Variants in MAGI3 observed in about 807,000 individuals in gnomAD.
The protein encoded by MAGI3 is membrane-associated guanylate kinase, WW and PDZ domain-containing protein 3.
In MAGI3, 43 loss-of-function variants were observed where a neutral mutation model predicts 121.8. The observed-to-expected ratio is 0.35, with a 90% CI of 0.28 to 0.46. The LOEUF (loss-of-function observed/expected upper bound fraction) is 0.46. Ranked by LOEUF, MAGI3 falls within the 20% of genes least tolerant of loss-of-function variation. The probability of loss-of-function intolerance (pLI) is 1.00; values close to 1 mark genes in which losing one functional copy is unlikely to be tolerated. For missense variants in MAGI3, 1,547 were observed against 1,797.3 expected (o/e 0.86, Z 2.52); for synonymous variants, 553 against 639.3 (o/e 0.86, Z 2.04).
intron 2 of MAGI3, among the ~76,000 whole-genome samples, chr1:113,563,161 A>G (rs908604277): frequency 4.6e-5 from 7 of 152,256 alleles, no homozygotes; most frequent in African/African-American, 1.7e-4. Flanking sequence ...CCAAGTTGGT[A>G]TAACATTTGA....
chr1:113,579,305 A>G (rs975846130), intron 2 of MAGI3, among the ~76,000 whole-genome samples: 1 of 152,168 alleles, frequency 6.6e-6, no homozygotes, highest in African/African-American at 2.4e-5. Context: ...AGCTGAGGTG[A>G]GAGTGGGAAA....
At chr1:113,406,544 G>A (rs1008745480) in intron 1 of MAGI3, among the ~76,000 whole-genome samples, 35 of 149,968 alleles carry the variant, frequency 2.3e-4, no homozygotes, top group Admixed American at 7.3e-4. Flanking sequence ...ATAGATTTTT[G>A]AAAAGCAAAT....
chr1:113,622,684 A>G, intron 8 of MAGI3, 122 bp from the exon 9 acceptor site: 2 of 780,700 alleles, frequency 2.6e-6, no homozygotes, highest in Non-Finnish European at 3.9e-6. Context: ...AAGCACAGAC[A>G]AGGCAATGAG....
At chr1:113,571,677 G>C (rs1037180366) in intron 2 of MAGI3, among the ~76,000 whole-genome samples, 1 of 152,170 alleles carries the variant, frequency 6.6e-6, no homozygotes, top group African/African-American at 2.4e-5. Flanking sequence ...GTTCACTCAT[G>C]ATTTGGCTCT....
chr1:113,438,303 C>G (rs1653739834), intron 1 of MAGI3, among the ~76,000 whole-genome samples: 1 of 152,094 alleles, frequency 6.6e-6, no homozygotes, highest in Non-Finnish European at 1.5e-5. Context: ...TCCAAGACCC[C>G]CATTGGATGC....
At chr1:113,479,828 T>C in intron 1 of MAGI3, among the ~76,000 whole-genome samples, 1 of 152,282 alleles carries the variant, frequency 6.6e-6, no homozygotes, top group South Asian at 2.1e-4. Context: ...AAATGAACCA[T>C]CTTACAGCTT....
In MAGI3 at chr1:113,641,977, T is replaced by C; in HGVS notation, c.1427T>C (p.Met476Thr). 1 of 1,613,728 alleles carries C rather than the reference T, an allele frequency of 6.2e-7. No individual in the cohort carries two copies. The highest frequency in any genetic ancestry group is 1.1e-5 in the South Asian group (1 of 91,064). ...CACACTCATGCAGATGTTGTCCAGATGTTTCAATTGGTACCTGTCAATCAG... is the reference window on the plus strand; with the variant it reads ...CACACTCATGCAGATGTTGTCCAGACGTTTCAATTGGTACCTGTCAATCAG... ...LGHTHADVVQ[M>T]FQLVPVNQYV... Residue 476 changes from methionine (M) to threonine (T), a missense_variant, in exon 10 of 21, where the codon ATG becomes ACG. Transcript: ENST00000307546.
chr1:113,666,934 G>A (rs1654070908), intron 16 of MAGI3, among the ~76,000 whole-genome samples: 1 of 151,740 alleles, frequency 6.6e-6, no homozygotes, highest in Non-Finnish European at 1.5e-5. Context: ...TGCTTTGTCA[G>A]TAAGCAGTAA....
chr1:113,543,167 T>C (rs1659368626), intron 1 of MAGI3, among the ~76,000 whole-genome samples: 1 of 152,210 alleles, frequency 6.6e-6, no homozygotes, highest in Admixed American at 6.5e-5. Flanking sequence ...TTTTGGCTTT[T>C]CCTGCTGTAG....
intron 15 of MAGI3, among the ~76,000 whole-genome samples, chr1:113,657,834 T>G (rs1365746276): frequency 2.0e-5 from 3 of 152,230 alleles, no homozygotes; most frequent in Non-Finnish European, 4.4e-5. Context: ...TAAAAGGCAC[T>G]TCCTTCCAAC....
At chr1:113,607,676 G>A (rs1649863790) in intron 6 of MAGI3, among the ~76,000 whole-genome samples, 1 of 152,048 alleles carries the variant, frequency 6.6e-6, no homozygotes, top group South Asian at 2.1e-4. Context: ...CATATTAGAA[G>A]AGGGGCAGAT....
Position 113,681,334 on chromosome 1 carries a change from A to G in MAGI3, c.3326A>G (p.His1109Arg), listed in dbSNP as rs768289274. Residue 1109 changes from histidine to arginine, a missense_variant and splice_region_variant, in exon 20 of 21, where the codon CAT becomes CGT. His to Arg is a conservative substitution (Grantham distance 29). Transcript: ENST00000307546. ...LRPGTGLIPD[H>R]GDWDINNPSS... Reference sequence around the variant, plus strand: ...CCAGGAACTGGCTTGATACCTGACCATGGTAAGTAAAGTAGCCCACTAGTA... The same window carrying G: ...CCAGGAACTGGCTTGATACCTGACCGTGGTAAGTAAAGTAGCCCACTAGTA... The G allele has an allele frequency of 3.1e-6, 5 of 1,612,896 alleles. No individual in the cohort carries two copies. Among genetic ancestry groups the G allele is most frequent in the Non-Finnish European group, 4.2e-6 (5 of 1,179,688 alleles).
At chr1:113,458,945 C>G (rs1365152939) in intron 1 of MAGI3, among the ~76,000 whole-genome samples, 3 of 152,010 alleles carry the variant, frequency 2.0e-5, no homozygotes, top group Admixed American at 6.6e-5. Context: ...CATAGCAAAC[C>G]CAATTTTTTT....
intron 1 of MAGI3, among the ~76,000 whole-genome samples, chr1:113,474,456 G>A (rs1486026720): frequency 2.6e-5 from 4 of 152,144 alleles, no homozygotes; most frequent in African/African-American, 9.7e-5. Context: ...TGTAAGGAAG[G>A]GATCCAGTTT....
intron 1 of MAGI3, among the ~76,000 whole-genome samples, chr1:113,472,680 A>ATG (rs942354553): frequency 2.8e-5 from 4 of 141,672 alleles, no homozygotes; most frequent in African/African-American, 1.0e-4. Context: ...GTGTGTGTGT[A>ATG]TGTGTGTGTG....
intron 15 of MAGI3, among the ~76,000 whole-genome samples, chr1:113,657,437 G>A (rs1219585719): frequency 5.9e-5 from 9 of 152,270 alleles, no homozygotes; most frequent in East Asian, 1.9e-4. Flanking sequence ...ATACCACCAT[G>A]CACCAATTCT....
intron 1 of MAGI3, among the ~76,000 whole-genome samples, chr1:113,432,042 C>G (rs1653327167): frequency 6.6e-6 from 1 of 151,942 alleles, no homozygotes; most frequent in African/African-American, 2.4e-5. Flanking sequence ...CAGAAGCAGA[C>G]CTTTATGGAA....
intron 6 of MAGI3, among the ~76,000 whole-genome samples, chr1:113,602,990 A>C (rs903694634): frequency 5.9e-5 from 9 of 152,066 alleles, no homozygotes; most frequent in Non-Finnish European, 1.2e-4. Flanking sequence ...ATGTGTATAC[A>C]TACACAGAAG....
chr1:113,509,559 A>G (rs1369453741), intron 1 of MAGI3, among the ~76,000 whole-genome samples: 4 of 127,448 alleles, frequency 3.1e-5, no homozygotes, highest in South Asian at 2.8e-4. Flanking sequence ...TATAAAGTGA[A>G]CGTACTGAGA....
Sources: gnomAD v4.1 joint callset for allele counts (sites outside exome capture counted in the v4.1 genomes callset) on GRCh38, gnomAD v4.1.1 for gene constraint, MANE v1.5 for transcripts, NCBI Gene and HGNC (gene_info 2026-07-23, HGNC 2026-07-21) for gene names.